CACNA1A: variants seen among roughly 807,000 people sequenced by gnomAD.
CACNA1A encodes the protein voltage-dependent P/Q-type calcium channel subunit alpha-1A.
A neutral mutation model predicts 262.4 loss-of-function variants in CACNA1A; 57 were observed. The observed-to-expected ratio is 0.22, with a 90% CI of 0.18 to 0.27. CACNA1A has a LOEUF of 0.27. Among genes scored for constraint, CACNA1A ranks in the 10% least tolerant of loss-of-function variants. The probability of loss-of-function intolerance (pLI) is 1.00; values close to 1 mark genes in which losing one functional copy is unlikely to be tolerated. For missense variants in CACNA1A, 2,526 were observed against 3,562.8 expected, an observed-to-expected ratio of 0.71 and a Z score of 7.41; for synonymous variants, 1,431 against 1,419.3, an observed-to-expected ratio of 1.01 and a Z score of -0.18.
intron 3 of CACNA1A, among the ~76,000 whole-genome samples, chr19:13,414,657 A>G (rs1191240268): frequency 6.6e-6 from 1 of 152,022 alleles, no homozygotes; most frequent in Non-Finnish European, 1.5e-5. Context: ...CTGAGAACAC[A>G]CTCAAGAAAT....
At chr19:13,466,484 G>A (rs1417066470) in intron 1 of CACNA1A, among the ~76,000 whole-genome samples, 2 of 151,902 alleles carry the variant, frequency 1.3e-5, no homozygotes, top group Non-Finnish European at 2.9e-5. Context: ...GGGACTGCAG[G>A]CACCCACCAC....
chr19:13,291,743 G>A (rs2057544502), intron 19 of CACNA1A, among the ~76,000 whole-genome samples: 1 of 151,690 alleles, frequency 6.6e-6, no homozygotes, highest in Non-Finnish European at 1.5e-5. Flanking sequence ...GGAGTTTGAG[G>A]CTACAGTGAG....
intron 30 of CACNA1A, 130 bp downstream of exon 30, chr19:13,252,861 T>G: frequency 1.7e-6 from 1 of 581,092 alleles, no homozygotes; most frequent in South Asian, 2.5e-5. Context: ...CTGTGGCCAC[T>G]GGCAGGATAC....
Position 13,308,605 on chromosome 19 carries a change from A to T in CACNA1A, c.1669-77T>A, listed in dbSNP as rs2057955516. On this transcript the variant is annotated intron_variant, in intron 12 of 46. Coordinates refer to ENST00000360228, the MANE Select transcript of CACNA1A (RefSeq NM_001127222.2). This position sits in a 1 kb window ranked among gnomAD's most constrained non-coding sequence, Gnocchi z 4.2. Reference sequence around the variant, plus strand: ...ACTGGCAAGCATTTCCTAGGTACCAACCTTGCAAGAACTCAACCAAACTCC... The same window carrying T: ...ACTGGCAAGCATTTCCTAGGTACCATCCTTGCAAGAACTCAACCAAACTCC... 2.3e-6 allele frequency: 2 copies of T among 876,838 alleles called. No homozygotes were observed. Among genetic ancestry groups the T allele is most frequent in the Middle Eastern group, 3.3e-4 (1 of 3,074 alleles). 54.3% of individuals were successfully genotyped at this position (876,838 alleles called of 1,614,324 possible). A position where few individuals can be genotyped will look rare whatever the true frequency, so the allele number is the denominator to read the frequency against.
chr19:13,229,830 G>A (rs1451241845), intron 36 of CACNA1A: 3 of 392,056 alleles, frequency 7.7e-6, no homozygotes, highest in Non-Finnish European at 1.4e-5. Context: ...GGCTCTTCAG[G>A]ACATCTCATG....
At chr19:13,323,754 G>A (rs1600330071) in intron 10 of CACNA1A, among the ~76,000 whole-genome samples, 1 of 152,178 alleles carries the variant, frequency 6.6e-6, no homozygotes, top group Non-Finnish European at 1.5e-5. Context: ...CCTTTGCTGT[G>A]CACAAATTTT....
chr19:13,415,265 A>G (rs916833303), intron 3 of CACNA1A, among the ~76,000 whole-genome samples: 4 of 151,730 alleles, frequency 2.6e-5, no homozygotes, highest in African/African-American at 9.7e-5. Context: ...GCCGACAAGG[A>G]AACGTGCGGA....
intron 30 of CACNA1A, among the ~76,000 whole-genome samples, chr19:13,248,219 T>C (rs2056300096): frequency 6.6e-6 from 1 of 151,954 alleles, no homozygotes; most frequent in Admixed American, 6.6e-5. Context: ...CCTCAACCCC[T>C]AGGCTAGAGA....
chr19:13,380,014 G>C (rs1040479817), intron 3 of CACNA1A, among the ~76,000 whole-genome samples: 5 of 140,406 alleles, frequency 3.6e-5, no homozygotes, highest in Non-Finnish European at 6.1e-5. Context: ...AGCCAGGTGC[G>C]GTGGCTCATG....
At chr19:13,469,906 C>G (rs980945382) in intron 1 of CACNA1A, among the ~76,000 whole-genome samples, 1 of 152,010 alleles carries the variant, frequency 6.6e-6, no homozygotes, top group Non-Finnish European at 1.5e-5. Context: ...TTGATTATAT[C>G]GCACTTTCTT....
intron 22 of CACNA1A, among the ~76,000 whole-genome samples, chr19:13,281,335 G>A (rs888357276): frequency 3.5e-5 from 5 of 142,464 alleles, no homozygotes; most frequent in African/African-American, 5.3e-5. Flanking sequence ...CCATGATCAC[G>A]TTACTGCACC....
chr19:13,442,878 A>T (rs1469875686), intron 3 of CACNA1A, among the ~76,000 whole-genome samples: 1 of 152,190 alleles, frequency 6.6e-6, no homozygotes, highest in East Asian at 1.9e-4. Flanking sequence ...CAAATTCTCA[A>T]GTTTATTTTC....
chr19:13,376,005 T>C (rs991455992), intron 3 of CACNA1A, among the ~76,000 whole-genome samples: 2 of 152,120 alleles, frequency 1.3e-5, no homozygotes, highest in African/African-American at 4.8e-5. Context: ...CAAAGCCTAA[T>C]CCACAGCAAG....
chr19:13,441,713 G>T (rs1425012609), intron 3 of CACNA1A, among the ~76,000 whole-genome samples: 1 of 151,708 alleles, frequency 6.6e-6, no homozygotes, highest in Non-Finnish European at 1.5e-5. Context: ...GAGTCCAGTG[G>T]CATGATCTTG....
chr19:13,296,479 G>A (rs4926262), intron 19 of CACNA1A, among the ~76,000 whole-genome samples: 67,833 of 152,102 alleles, frequency 0.45, 15,832 homozygotes, highest in East Asian at 0.78. Context: ...ATTACAAAAT[G>A]TCGTTATGAA....
intron 3 of CACNA1A, among the ~76,000 whole-genome samples, chr19:13,440,615 A>T (rs2060701690): frequency 6.6e-6 from 1 of 152,108 alleles, no homozygotes; most frequent in South Asian, 2.1e-4. Flanking sequence ...ACTGACTTTT[A>T]CCTTTTGAGG....
intron 44 of CACNA1A, 92 bp downstream of exon 44, chr19:13,210,525 G>A: frequency 8.6e-7 from 1 of 1,167,922 alleles, no homozygotes; most frequent in Admixed American, 2.2e-5. Flanking sequence ...GGGGTCCGGG[G>A]ACGGTGAGAG....
intron 6 of CACNA1A, among the ~76,000 whole-genome samples, chr19:13,357,608 T>C (rs2059028284): frequency 6.6e-6 from 1 of 152,202 alleles, no homozygotes; most frequent in African/African-American, 2.4e-5. Flanking sequence ...ACAAGTGACC[T>C]GCCTGGGGAC....
chr19:13,329,462 T>G, intron 10 of CACNA1A, among the ~76,000 whole-genome samples: 1 of 151,652 alleles, frequency 6.6e-6, no homozygotes, highest in Non-Finnish European at 1.5e-5. Flanking sequence ...GTGAGCTCCA[T>G]GTAGGTAGGG....
Sources: gnomAD v4.1 joint callset for allele counts (sites outside exome capture counted in the v4.1 genomes callset) on GRCh38, gnomAD v4.1.1 for gene constraint, Gnocchi (gnomAD v3.1) non-coding constraint, MANE v1.5 for transcripts, NCBI Gene and HGNC (gene_info 2026-07-23, HGNC 2026-07-21) for gene names.